HTR7: variants seen among roughly 807,000 people sequenced by gnomAD.
The protein encoded by HTR7 is 5-HT-7.
HTR7 carries 16 observed loss-of-function variants against 34.0 expected under a neutral mutation model. That is an observed-to-expected ratio of 0.47 (90% CI 0.32 to 0.71). HTR7 has a LOEUF of 0.71. Ranked by LOEUF, HTR7 falls within the 30% of genes least tolerant of loss-of-function variation. The pLI is 0.04. For missense variants in HTR7, 504 were observed against 625.5 expected, an observed-to-expected ratio of 0.81 and a Z score of 2.07; for synonymous variants, 265 against 260.2, an observed-to-expected ratio of 1.02 and a Z score of -0.18.
intron 1 of HTR7, among the ~76,000 whole-genome samples, chr10:90,782,972 G>T (rs1845326928): frequency 6.6e-6 from 1 of 152,086 alleles, no homozygotes; most frequent in Admixed American, 6.6e-5. Flanking sequence ...TATAGTTTTT[G>T]GTGGAAGTGC....
chr10:90,794,346 T>G (rs752387529), intron 1 of HTR7, among the ~76,000 whole-genome samples: 30 of 152,186 alleles, frequency 2.0e-4, no homozygotes, highest in Non-Finnish European at 3.2e-4. Flanking sequence ...TGAGATTATT[T>G]TACAGTTAAC....
At chr10:90,831,236 TG>T (rs1846166596) in intron 1 of HTR7, among the ~76,000 whole-genome samples, 1 of 152,064 alleles carries the variant, frequency 6.6e-6, no homozygotes, top group Admixed American at 6.5e-5. Flanking sequence ...TCGCCGTGAG[TG>T]TTACAGTTCT....
intron 1 of HTR7, among the ~76,000 whole-genome samples, chr10:90,825,554 T>C (rs141263021): frequency 1.6e-3 from 245 of 152,318 alleles, no homozygotes; most frequent in African/African-American, 5.7e-3. Flanking sequence ...TATGTGACCT[T>C]TCAGACAGAG....
intron 1 of HTR7, among the ~76,000 whole-genome samples, chr10:90,812,708 C>T (rs376143081): frequency 7.9e-5 from 12 of 152,116 alleles, no homozygotes; most frequent in African/African-American, 2.9e-4. Context: ...TGAGAAACAT[C>T]GCCCATTCTC....
Position 90,742,205 on chromosome 10 carries a change from T to C in HTR7, c.*277A>G. 1 of 274,110 alleles carries C rather than the reference T, an allele frequency of 3.6e-6. No homozygotes were observed. The highest frequency in any genetic ancestry group is 1.3e-4 in the South Asian group (1 of 7,636). 17.0% of individuals were successfully genotyped at this position (274,110 alleles called of 1,614,324 possible). On this transcript the variant is annotated 3_prime_UTR_variant, in exon 4 of 4. Coordinates refer to ENST00000336152, the MANE Select transcript of HTR7 (RefSeq NM_019859.4). The stretch of plus-strand genomic sequence containing the variant: ...TGGACATATGCAAAGCACCAGAAAC[T>C]GCTTCCTTTCTGGAACTCAGTTCTG...
intron 1 of HTR7, among the ~76,000 whole-genome samples, chr10:90,803,515 C>T (rs971939244): frequency 2.0e-5 from 3 of 152,176 alleles, no homozygotes; most frequent in Non-Finnish European, 4.4e-5. Context: ...TGAACCCACT[C>T]GCCCCACTCC....
At chr10:90,809,563 A>C (rs1424030420) in intron 1 of HTR7, among the ~76,000 whole-genome samples, 1 of 152,198 alleles carries the variant, frequency 6.6e-6, no homozygotes, top group Non-Finnish European at 1.5e-5. Flanking sequence ...GTGTACAATA[A>C]TAGAAAAAAG....
chr10:90,746,690 A>T (rs1844642455), intron 2 of HTR7, among the ~76,000 whole-genome samples: 1 of 152,216 alleles, frequency 6.6e-6, no homozygotes, highest in Non-Finnish European at 1.5e-5. Flanking sequence ...TAGTTTGCTC[A>T]TTAACACTCA....
chr10:90,753,264 G>C (rs1232580073), intron 1 of HTR7, among the ~76,000 whole-genome samples: 1 of 149,850 alleles, frequency 6.7e-6, no homozygotes, highest in Non-Finnish European at 1.5e-5. Flanking sequence ...AGGCGCAGTG[G>C]CTCATGCCTA....
intron 1 of HTR7, among the ~76,000 whole-genome samples, chr10:90,766,267 TA>T (rs1845022613): frequency 6.6e-6 from 1 of 152,242 alleles, no homozygotes; most frequent in African/African-American, 2.4e-5. Flanking sequence ...TATCATTGCA[TA>T]ATGACCTTCT....
At chr10:90,803,619 T>G (rs1845661856) in intron 1 of HTR7, among the ~76,000 whole-genome samples, 1 of 152,126 alleles carries the variant, frequency 6.6e-6, no homozygotes, top group Non-Finnish European at 1.5e-5. Context: ...GACCAATTAT[T>G]ATTTTGGAGA....
chr10:90,799,611 G>T (rs1290688667), intron 1 of HTR7, among the ~76,000 whole-genome samples: 4 of 152,056 alleles, frequency 2.6e-5, no homozygotes, highest in Non-Finnish European at 4.4e-5. Context: ...GCTTGACAAA[G>T]ATTTAAGTCT....
chr10:90,786,794 C>T (rs571641113), intron 1 of HTR7, among the ~76,000 whole-genome samples: 3 of 152,214 alleles, frequency 2.0e-5, no homozygotes, highest in Non-Finnish European at 4.4e-5. Context: ...AGCAAGAGGG[C>T]AAGAGGGAGA....
At chr10:90,847,099 T>C (rs975149624) in intron 1 of HTR7, among the ~76,000 whole-genome samples, 3 of 152,196 alleles carry the variant, frequency 2.0e-5, no homozygotes, top group African/African-American at 7.2e-5. Context: ...ATACACAATA[T>C]TTGAACAAGC....
At chr10:90,762,105 T>C (rs950889879) in intron 1 of HTR7, among the ~76,000 whole-genome samples, 2 of 152,178 alleles carry the variant, frequency 1.3e-5, no homozygotes, top group South Asian at 4.1e-4. Context: ...AGTGCAGATA[T>C]CTCTTCAACA....
Position 90,760,857 on chromosome 10 carries a change from C to T in HTR7, c.540-11263G>A, listed in dbSNP as rs183812878. Among the ~76,000 whole-genome samples the T allele has an allele frequency of 1.7e-3, 260 of 151,904 alleles. 1 individual carries two copies. The highest frequency in any genetic ancestry group is 0.016 in the East Asian group (84 of 5,168). ...GATTGCGCCACTGAACTGCAGCCTG[C>T]GCAACAGAGTGAGACTCTGTCTCAA... is the stretch of plus-strand genomic sequence containing the variant. On this transcript the variant is annotated intron_variant, in intron 1 of 3. Coordinates refer to ENST00000336152, the MANE Select transcript of HTR7 (RefSeq NM_019859.4).
chr10:90,749,426 G>C lies in HTR7; in HGVS notation c.708C>G (p.Asp236Glu). The C allele has an allele frequency of 6.2e-7, 1 of 1,614,178 alleles. No individual in the cohort carries two copies. Among genetic ancestry groups the C allele is most frequent in the Non-Finnish European group, 8.5e-7 (1 of 1,180,006 alleles). Residue 236 changes from aspartate (D) to glutamate (E), a missense_variant, in exon 2 of 4, where the codon GAC becomes GAG. Physicochemically the swap from Asp to Glu is conservative, Grantham distance 45. Coordinates refer to ENST00000336152, the MANE Select transcript of HTR7 (RefSeq NM_019859.4). The surrounding 1 kb of genome is among the most constrained non-coding windows in gnomAD (Gnocchi z 4.2). Reference protein sequence around the residue: ...NDDKVCLISQDFGYTIYSTAV... With the variant: ...NDDKVCLISQEFGYTIYSTAV... ...CGGTAGAGTAAATCGTATAGCCAAA[G>C]TCCTGGCTGATCAAGCACACCTTAT...
At chr10:90,796,799 G>A (rs1255891367) in intron 1 of HTR7, among the ~76,000 whole-genome samples, 4 of 152,236 alleles carry the variant, frequency 2.6e-5, no homozygotes, top group Non-Finnish European at 5.9e-5. Flanking sequence ...ACAAAGTCAG[G>A]AGATTGAGAC....
intron 1 of HTR7, among the ~76,000 whole-genome samples, chr10:90,760,958 T>C (rs537785968): frequency 6.6e-6 from 1 of 152,226 alleles, no homozygotes; most frequent in African/African-American, 2.4e-5. Flanking sequence ...AATGAAAAAA[T>C]AGTAGCTCTG....
Sources: allele counts gnomAD v4.1 joint callset (sites outside exome capture counted in the v4.1 genomes callset), GRCh38; gene constraint gnomAD v4.1.1; non-coding constraint Gnocchi (gnomAD v3.1); transcripts MANE v1.5; gene names NCBI Gene and HGNC (gene_info 2026-07-23, HGNC 2026-07-21).